The following SUCLG1 variants were observed in gnomAD, a reference collection of about 807,000 sequenced individuals.
SUCLG1 encodes succinate-CoA ligase GDP/ADP-forming subunit alpha, also known as succinate--CoA ligase [ADP/GDP-forming] subunit alpha, mitochondrial.
In SUCLG1, 26 loss-of-function variants were observed where a neutral mutation model predicts 37.3. The observed-to-expected ratio is 0.70, with a 90% CI of 0.51 to 0.97. SUCLG1 has a LOEUF of 0.97. Ranked by LOEUF, SUCLG1 falls within the 50% of genes least tolerant of loss-of-function variation. SUCLG1 has a pLI of 0.00. For missense variants in SUCLG1, 433 were observed against 432.9 expected (o/e 1.00, Z 0.00); for synonymous variants, 163 against 155.6 (o/e 1.05, Z -0.36).
intron 1 of SUCLG1, among the ~76,000 whole-genome samples, chr2:84,454,207 A>G (rs911957721): frequency 6.6e-6 from 1 of 152,260 alleles, no homozygotes; most frequent in African/African-American, 2.4e-5. Flanking sequence ...AATGTTTTCT[A>G]CATGTCCTTG....
At position 84,459,114 on chromosome 2, in the gene SUCLG1, T is replaced by C. The variant is rs558247529; in HGVS notation, c.97+59A>G. On this transcript the variant is annotated intron_variant, in intron 1 of 8. Coordinates refer to ENST00000393868, the MANE Select transcript of SUCLG1 (RefSeq NM_003849.4). ...CCAGCCGCGGCCTGGGCCAGGAGGT[T>C]GGGTCCGGCGGGGCCAATAACCCGC... 3,104 of 1,499,628 alleles carry C rather than the reference T, an allele frequency of 2.1e-3. 7 individuals are homozygous for C. Among genetic ancestry groups the C allele is most frequent in the Non-Finnish European group, 2.6e-3 (2,920 of 1,109,792 alleles). 92.9% of individuals were successfully genotyped at this position (1,499,628 alleles called of 1,614,324 possible).
Position 84,443,319 on chromosome 2 carries a change from G to A in SUCLG1, c.283C>T (p.His95Tyr). The change falls in exon 3 of 9, where the codon CAT (histidine) becomes TAT (tyrosine). Residue 95 changes from histidine to tyrosine, a missense_variant. His to Tyr is a moderately conservative substitution (Grantham distance 83). Coordinates refer to ENST00000393868, the MANE Select transcript of SUCLG1 (RefSeq NM_003849.4). ...GTTPGKGGQT[H>Y]LGLPVFNTVK... ...GTATTAAAGACAGGTAAGCCCAGATGTGTCTGGCCTCCTTTCCCTGGAGTG... is the reference window on the plus strand; with the variant it reads ...GTATTAAAGACAGGTAAGCCCAGATATGTCTGGCCTCCTTTCCCTGGAGTG... 1 of 1,614,144 alleles carries A rather than the reference G, an allele frequency of 6.2e-7. No homozygotes were observed. Among genetic ancestry groups the A allele is most frequent in the Non-Finnish European group, 8.5e-7 (1 of 1,179,978 alleles).
intron 5 of SUCLG1, among the ~76,000 whole-genome samples, chr2:84,435,699 C>T (rs1672677861): frequency 6.6e-6 from 1 of 152,204 alleles, no homozygotes; most frequent in African/African-American, 2.4e-5. Flanking sequence ...AGCATGTACA[C>T]ACAAGGAGAC....
rs1673107563 is a variant in SUCLG1, at chr2:84,459,202, G to C, written c.68C>G (p.Ala23Gly). The change falls in exon 1 of 9, where the codon GCC becomes GGC. Residue 23 changes from alanine (A) to glycine (G), a missense_variant. Coordinates refer to ENST00000393868, the MANE Select transcript of SUCLG1 (RefSeq NM_003849.4). ...GAAGCTGCGCGACAGGAGACGGGCG[G>C]CGGCGAGGCCGCTGCTGCCGGAGAC... ...TMVSGSSGLA[A>G]ARLLSRSFLL... is the part of the protein sequence containing the mutation. 6.5e-7 allele frequency: 1 copy of C among 1,550,086 alleles called. No homozygotes were observed.
chr2:84,432,180 T>C, intron 6 of SUCLG1: 1 of 171,990 alleles, frequency 5.8e-6, no homozygotes, highest in Non-Finnish European at 1.2e-5. Context: ...GTGTTCTGGA[T>C]CCAGAGTGGA....
intron 3 of SUCLG1, 23 bp downstream of exon 3, chr2:84,443,261 C>A: frequency 6.2e-7 from 1 of 1,601,222 alleles, no homozygotes; most frequent in South Asian, 1.1e-5. Context: ...CTTGTCTTGC[C>A]AAACTCAGGT....
intron 5 of SUCLG1, chr2:84,433,917 C>T (rs180978687): frequency 1.0e-4 from 19 of 184,038 alleles, no homozygotes; most frequent in Non-Finnish European, 1.6e-4. Context: ...GGGGATAGAT[C>T]CTTCATGAAT....
chr2:84,431,364 T>C (rs1573364372), intron 7 of SUCLG1, 144 bp downstream of exon 7: 1 of 899,398 alleles, frequency 1.1e-6, no homozygotes, highest in Non-Finnish European at 1.7e-6. Context: ...ATTGTCTGAG[T>C]GTCCAGTATA....
intron 1 of SUCLG1, among the ~76,000 whole-genome samples, chr2:84,450,815 G>A (rs906031221): frequency 6.6e-6 from 1 of 152,174 alleles, no homozygotes; most frequent in Non-Finnish European, 1.5e-5. Context: ...AACTGAAAGA[G>A]CAACAACATC....
At chr2:84,430,473 G>A (rs552099904) in intron 7 of SUCLG1, among the ~76,000 whole-genome samples, 3 of 152,300 alleles carry the variant, frequency 2.0e-5, no homozygotes, top group Admixed American at 1.3e-4. Flanking sequence ...GTAAACCTGA[G>A]TCATATCTAA....
At chr2:84,445,026 C>G (rs550203811) in intron 2 of SUCLG1, among the ~76,000 whole-genome samples, 1 of 152,240 alleles carries the variant, frequency 6.6e-6, no homozygotes, top group African/African-American at 2.4e-5. Context: ...ATGCAATCAT[C>G]ACAGGGTCCT....
chr2:84,436,725 A>C (rs1444001749), intron 5 of SUCLG1, among the ~76,000 whole-genome samples: 1 of 152,222 alleles, frequency 6.6e-6, no homozygotes, highest in East Asian at 1.9e-4. Flanking sequence ...TTCTCCAATT[A>C]AGAACAATGT....
chr2:84,456,808 C>T (rs558589571), intron 1 of SUCLG1, among the ~76,000 whole-genome samples: 119 of 152,196 alleles, frequency 7.8e-4, no homozygotes, highest in African/African-American at 2.7e-3. Flanking sequence ...GGATTACAGG[C>T]GCCTGCCACC....
intron 5 of SUCLG1, among the ~76,000 whole-genome samples, chr2:84,434,934 G>A (rs1443576850): frequency 3.3e-5 from 5 of 152,038 alleles, no homozygotes; most frequent in South Asian, 4.1e-4. Context: ...TGGTGTGTAC[G>A]TAACTTAGTC....
In SUCLG1 at chr2:84,459,199, G is replaced by A. The variant is rs1211659058; in HGVS notation, c.71C>T (p.Ala24Val). ...GAGGAAGCTGCGCGACAGGAGACGGGCGGCGGCGAGGCCGCTGCTGCCGGA... is the reference window on the plus strand; with the variant it reads ...GAGGAAGCTGCGCGACAGGAGACGGACGGCGGCGAGGCCGCTGCTGCCGGA... ...MVSGSSGLAA[A>V]RLLSRSFLLP... Residue 24 changes from alanine to valine, a missense_variant, in exon 1 of 9, where the codon GCC becomes GTC. Transcript: ENST00000393868. The A allele has an allele frequency of 6.5e-7, 1 of 1,550,046 alleles. No individual in the cohort carries two copies.
intron 2 of SUCLG1, among the ~76,000 whole-genome samples, chr2:84,447,648 T>A (rs1368776961): frequency 6.6e-6 from 1 of 152,186 alleles, no homozygotes; most frequent in East Asian, 1.9e-4. Flanking sequence ...GATAATAGAA[T>A]GCACTTCAAA....
chr2:84,443,233 C>A, intron 3 of SUCLG1, 51 bp downstream of exon 3: 1 of 1,482,480 alleles, frequency 6.7e-7, no homozygotes, highest in African/African-American at 1.4e-5. Context: ...AAAGAATGCT[C>A]GCTCTTCCCT....
intron 6 of SUCLG1, chr2:84,432,438 T>A (rs889191122): frequency 2.0e-5 from 3 of 152,218 alleles, no homozygotes; most frequent in African/African-American, 7.2e-5. Flanking sequence ...ACACGTTAGA[T>A]CTGTCATTTC....
chr2:84,446,201 G>A (rs192920369), intron 2 of SUCLG1, among the ~76,000 whole-genome samples: 12 of 152,130 alleles, frequency 7.9e-5, no homozygotes, highest in East Asian at 5.8e-4. Context: ...TCCTTTCCCC[G>A]GCTTATTTCT....
Sources: allele counts gnomAD v4.1 joint callset (sites outside exome capture counted in the v4.1 genomes callset), GRCh38; gene constraint gnomAD v4.1.1; transcripts MANE v1.5; gene names NCBI Gene and HGNC (gene_info 2026-07-23, HGNC 2026-07-21).